ADCY10: variants seen among roughly 807,000 people sequenced by gnomAD.
ADCY10 encodes the protein adenylate cyclase type 10.
A neutral mutation model predicts 183.3 loss-of-function variants in ADCY10; 156 were observed. The observed-to-expected ratio is 0.85, with a 90% CI of 0.75 to 0.97. The LOEUF (loss-of-function observed/expected upper bound fraction) is 0.97. Ranked by LOEUF, ADCY10 falls within the 50% of genes least tolerant of loss-of-function variation. The probability of loss-of-function intolerance (pLI) is 0.00; values close to 1 mark genes in which losing one functional copy is unlikely to be tolerated. For synonymous variants in ADCY10, 645 were observed against 670.0 expected (o/e 0.96, Z 0.58); for missense variants, 1,745 against 1,934.3 (o/e 0.90, Z 1.84).
intron 16 of ADCY10, among the ~76,000 whole-genome samples, chr1:167,859,466 T>G (rs1262127786): frequency 6.6e-6 from 1 of 152,170 alleles, no homozygotes; most frequent in East Asian, 1.9e-4. Context: ...AGGTAGCAAG[T>G]GATAGGCCTG....
intron 6 of ADCY10, 42 bp downstream of exon 6, chr1:167,899,381 C>G: frequency 6.2e-7 from 1 of 1,600,242 alleles, no homozygotes. Flanking sequence ...GCCTCTGTTA[C>G]AGGCTGGCAG....
chr1:167,812,362 T>C (rs1484062069), intron 31 of ADCY10, among the ~76,000 whole-genome samples: 2 of 152,204 alleles, frequency 1.3e-5, no homozygotes, highest in East Asian at 3.9e-4. Context: ...CAAAAGCAAC[T>C]GCCTATAAAA....
intron 8 of ADCY10, among the ~76,000 whole-genome samples, chr1:167,889,132 A>C (rs557016540): frequency 1.1e-3 from 173 of 152,198 alleles, no homozygotes; most frequent in Non-Finnish European, 2.2e-3. Flanking sequence ...ACAGTGGTAA[A>C]GTGGGCATCC....
At chr1:167,820,328 T>A in intron 30 of ADCY10, 1 of 988,108 alleles carries the variant, frequency 1.0e-6, no homozygotes, top group Non-Finnish European at 1.4e-6. Flanking sequence ...TAGCCGGCCT[T>A]GAGGGGCGGG....
At chr1:167,853,194 C>T (rs886845812) in intron 18 of ADCY10, among the ~76,000 whole-genome samples, 15 of 152,096 alleles carry the variant, frequency 9.9e-5, no homozygotes, top group African/African-American at 3.6e-4. Context: ...TATTAATACA[C>T]GTCGTGCTTA....
chr1:167,818,745 G>C (rs1244223455), intron 30 of ADCY10, among the ~76,000 whole-genome samples: 1 of 152,154 alleles, frequency 6.6e-6, no homozygotes, highest in Non-Finnish European at 1.5e-5. Flanking sequence ...CACCATGTTG[G>C]CTAGGCTGGT....
At chr1:167,848,708 T>G (rs1393806275) in intron 18 of ADCY10, among the ~76,000 whole-genome samples, 1 of 152,082 alleles carries the variant, frequency 6.6e-6, no homozygotes, top group Non-Finnish European at 1.5e-5. Context: ...TGGAGTGCAG[T>G]GGCGTGATCT....
At chr1:167,869,271 G>T (rs1666916854) in intron 14 of ADCY10, among the ~76,000 whole-genome samples, 1 of 152,128 alleles carries the variant, frequency 6.6e-6, no homozygotes, top group Admixed American at 6.5e-5. Context: ...TTCTTCAAAT[G>T]ATAAAAAGCT....
At chr1:167,829,460 G>A in intron 25 of ADCY10, 37 bp from the exon 26 acceptor site, 4 of 1,612,986 alleles carry the variant, frequency 2.5e-6, no homozygotes, top group Non-Finnish European at 3.4e-6. Flanking sequence ...AACATGAAAG[G>A]TATCATCATT....
rs1381201282 is a variant in ADCY10 at position 167,833,820 on chromosome 1, G to GTCAA, written c.3417+149_3417+150insTTGA. On this transcript the variant is annotated intron_variant, in intron 24 of 32. Transcript: ENST00000367851. Reference sequence around the variant, plus strand: ...CTGGTAAGCCATGGTGAGGAGGTTGGAGCCCAGGGATTTGAGTTTCTAGAG... The same window carrying GTCAA: ...CTGGTAAGCCATGGTGAGGAGGTTGGTCAAAGCCCAGGGATTTGAGTTTCTAGAG... The GTCAA allele has an allele frequency of 9.0e-6, 6 of 666,302 alleles. No individual in the cohort carries two copies. The East Asian group carries it at 1.6e-4, about 18-fold the overall frequency. 41.3% of individuals were successfully genotyped at this position (666,302 alleles called of 1,614,324 possible).
chr1:167,854,209 C>G, intron 18 of ADCY10, 144 bp downstream of exon 18: 1 of 993,206 alleles, frequency 1.0e-6, no homozygotes, highest in East Asian at 2.4e-5. Context: ...TCTGGAATAT[C>G]GGATCCAATA....
intron 1 of ADCY10, among the ~76,000 whole-genome samples, chr1:167,906,471 T>C (rs967351560): frequency 6.6e-6 from 1 of 151,828 alleles, no homozygotes; most frequent in Non-Finnish European, 1.5e-5. Context: ...GATAGTAAAT[T>C]TGGTGCTATA....
intron 13 of ADCY10, among the ~76,000 whole-genome samples, 158 bp from the exon 14 acceptor site, chr1:167,870,568 G>A (rs1268266387): frequency 1.3e-5 from 2 of 150,542 alleles, no homozygotes; most frequent in African/African-American, 2.5e-5. Context: ...CGAGGTGGGC[G>A]GATCTGCTGA....
intron 23 of ADCY10, among the ~76,000 whole-genome samples, chr1:167,835,963 A>T (rs1036245377): frequency 1.3e-5 from 2 of 152,366 alleles, no homozygotes. Context: ...TTTTAGGCTT[A>T]ACAGAGGGTA....
At chr1:167,854,839 G>GGAGA (rs368154978) in intron 17 of ADCY10, among the ~76,000 whole-genome samples, 29 of 151,450 alleles carry the variant, frequency 1.9e-4, no homozygotes, top group African/African-American at 6.8e-4. Flanking sequence ...AGAGAGAGGG[G>GGAGA]GAGAGAGAGA....
chr1:167,882,830 G>A (rs928063018), intron 9 of ADCY10, among the ~76,000 whole-genome samples: 7 of 152,046 alleles, frequency 4.6e-5, no homozygotes, highest in Non-Finnish European at 8.8e-5. Context: ...ACGTAATCTC[G>A]CCTTGTCCTG....
intron 26 of ADCY10, 37 bp downstream of exon 26, chr1:167,829,230 T>C: frequency 6.2e-7 from 1 of 1,612,824 alleles, no homozygotes; most frequent in Non-Finnish European, 8.5e-7. Context: ...CAAATGAAAT[T>C]CAGAAACTTA....
At chr1:167,818,026 C>A in intron 31 of ADCY10, 46 bp downstream of exon 31, 2 of 1,538,922 alleles carry the variant, frequency 1.3e-6, no homozygotes, top group Non-Finnish European at 1.8e-6. Flanking sequence ...AGACAGAGAT[C>A]CATTTAAGGC....
Position 167,905,112 on chromosome 1 carries a change from T to A in ADCY10, c.29A>T (p.Asp10Val). 2 of 1,614,228 alleles carry A rather than the reference T, an allele frequency of 1.2e-6. No homozygotes were observed. The highest frequency in any genetic ancestry group is 1.7e-5 in the Admixed American group (1 of 60,030). Residue 10 changes from aspartate (D) to valine (V), a missense_variant, in exon 2 of 33, where the codon GAC becomes GTC. Transcript: ENST00000367851. Reference protein sequence around the residue: MNTPKEEFQDWPIVRIAAHL... With the variant: MNTPKEEFQVWPIVRIAAHL... ...AGCTGCTATTCTGACTATGGGCCAG[T>A]CCTGGAATTCTTCTTTTGGAGTGTT...
Sources: allele counts gnomAD v4.1 joint callset (sites outside exome capture counted in the v4.1 genomes callset), GRCh38; gene constraint gnomAD v4.1.1; transcripts MANE v1.5; gene names NCBI Gene and HGNC (gene_info 2026-07-23, HGNC 2026-07-21).